Variants in TRAF3 observed in about 807,000 individuals in gnomAD.
TRAF3 encodes the protein TNF receptor associated factor 3, also known as TNF receptor-associated factor 3.
Under a neutral mutation model 62.3 loss-of-function variants are expected in TRAF3, and 13 were observed. The ratio of observed to expected loss-of-function variants is 0.21; its 90% CI spans 0.14 to 0.33. The LOEUF (loss-of-function observed/expected upper bound fraction) is 0.33, where lower values mean the gene tolerates loss of function less well. Among genes scored for constraint, TRAF3 ranks in the 10% least tolerant of loss-of-function variants. TRAF3 has a pLI of 1.00. For missense variants in TRAF3, 440 were observed against 741.8 expected, an observed-to-expected ratio of 0.59 and a Z score of 4.73; for synonymous variants, 269 against 283.4, an observed-to-expected ratio of 0.95 and a Z score of 0.51.
intron 1 of TRAF3, among the ~76,000 whole-genome samples, chr14:102,814,396 G>A (rs553557726): frequency 3.3e-5 from 5 of 152,250 alleles, no homozygotes; most frequent in African/African-American, 1.2e-4. Flanking sequence ...TGTTCTTCTT[G>A]CTCAGCATTG....
chr14:102,830,949 C>T (rs1325469456), intron 2 of TRAF3, among the ~76,000 whole-genome samples: 2 of 152,298 alleles, frequency 1.3e-5, no homozygotes, highest in Non-Finnish European at 2.9e-5. Context: ...ATAAGAGGTT[C>T]GGCTTACAAG....
intron 2 of TRAF3, among the ~76,000 whole-genome samples, chr14:102,866,241 A>G (rs763424957): frequency 5.9e-5 from 9 of 152,196 alleles, no homozygotes; most frequent in Non-Finnish European, 1.2e-4. Context: ...GAACACATGG[A>G]CACAGGGAGG....
intron 9 of TRAF3, among the ~76,000 whole-genome samples, chr14:102,892,926 G>A (rs1222376922): frequency 6.6e-6 from 1 of 152,218 alleles, no homozygotes; most frequent in Admixed American, 6.5e-5. Flanking sequence ...TGAGCATAGA[G>A]CATCTGCTCT....
intron 1 of TRAF3, among the ~76,000 whole-genome samples, chr14:102,813,101 G>T (rs1775444612): frequency 6.6e-6 from 1 of 151,466 alleles, no homozygotes. Flanking sequence ...TCAGCCTCCC[G>T]AGTAGCTGGG....
chr14:102,792,272 T>C (rs1277941707), intron 1 of TRAF3, among the ~76,000 whole-genome samples: 1 of 151,412 alleles, frequency 6.6e-6, no homozygotes, highest in Non-Finnish European at 1.5e-5. Context: ...CTACTATAGG[T>C]GCAAGCTGCC....
In TRAF3 at chr14:102,876,510, G is replaced by T. The variant is rs773018513; in HGVS notation, c.555G>T (p.Pro185=). 2 of 1,613,802 alleles carry T rather than the reference G, an allele frequency of 1.2e-6. No homozygotes were observed. The highest frequency in any genetic ancestry group is 1.1e-5 in the South Asian group (1 of 91,050). Residue 185 remains proline (P), a synonymous_variant, in exon 6 of 12, where the codon CCG becomes CCT. Transcript: ENST00000392745. ...GCAGCCACTGCAAGAGTCAGGTTCC[G>T]ATGATCGCGCTGCAGGTGCGGGTCC... ...ATCSHCKSQV[P]MIALQKHEDT...
chr14:102,780,771 G>A (rs944614023), intron 1 of TRAF3, among the ~76,000 whole-genome samples: 6 of 152,046 alleles, frequency 3.9e-5, no homozygotes, highest in African/African-American at 9.7e-5. Flanking sequence ...TCTGGTTACC[G>A]TGCTGGGAAG....
In TRAF3 at chr14:102,782,284, A is replaced by G. The variant is rs556159972; in HGVS notation, c.-157+4609A>G. On this transcript the variant is annotated intron_variant, in intron 1 of 11. Transcript: ENST00000392745. ...AGTCTTGCTCTGTTGCCCAGGCTGG[A>G]GTGCAGTGGTGCAATCTTGGCTCAC... Among the ~76,000 whole-genome samples, 4 of 151,870 alleles carry G rather than the reference A, an allele frequency of 2.6e-5. No individual in the cohort carries two copies. In the East Asian group the frequency reaches 7.8e-4, roughly 30 times the overall value.
intron 2 of TRAF3, among the ~76,000 whole-genome samples, chr14:102,853,054 A>G (rs1887141224): frequency 6.6e-6 from 1 of 151,722 alleles, no homozygotes; most frequent in African/African-American, 2.4e-5. Context: ...GGCTCACACC[A>G]CCACGTCCGG....
At chr14:102,891,897 T>C (rs545416300) in intron 9 of TRAF3, among the ~76,000 whole-genome samples, 21 of 152,150 alleles carry the variant, frequency 1.4e-4, no homozygotes, top group Non-Finnish European at 2.6e-4. Context: ...CCCCTCTAAA[T>C]GCGTTAAACT....
intron 2 of TRAF3, among the ~76,000 whole-genome samples, chr14:102,846,009 A>G (rs1237748520): frequency 2.4e-5 from 2 of 82,888 alleles, no homozygotes; most frequent in South Asian, 3.0e-4. Context: ...AAAAAAAAAA[A>G]TACTATTATA....
intron 4 of TRAF3, among the ~76,000 whole-genome samples, chr14:102,872,670 T>TCTCTC (rs1190248579): frequency 6.6e-6 from 1 of 150,668 alleles, no homozygotes; most frequent in Non-Finnish European, 1.5e-5. Context: ...TCTTTTCTTT[T>TCTCTC]CTTTCTCTCT....
chr14:102,828,193 G>T (rs569828001), intron 1 of TRAF3, among the ~76,000 whole-genome samples: 1 of 152,216 alleles, frequency 6.6e-6, no homozygotes, highest in East Asian at 1.9e-4. Flanking sequence ...AAAAATCTTC[G>T]TGATTGGAAA....
At chr14:102,812,850 C>T (rs1899279111) in intron 1 of TRAF3, among the ~76,000 whole-genome samples, 5 of 151,454 alleles carry the variant, frequency 3.3e-5, no homozygotes, top group Admixed American at 1.3e-4. Context: ...ACCCAGGAGG[C>T]GGAGCTTGCA....
rs532687454 is a variant in TRAF3, at chr14:102,794,385, G to A, written c.-157+16710G>A. On this transcript the variant is annotated intron_variant, in intron 1 of 11. Transcript: ENST00000392745. ...TTTGTAGAGACAAGGTCTTAACTACGTTGCCCAGGCTGGTCTTGAACTCCT... is the reference window on the plus strand; with the variant it reads ...TTTGTAGAGACAAGGTCTTAACTACATTGCCCAGGCTGGTCTTGAACTCCT... Among the ~76,000 whole-genome samples the A allele has an allele frequency of 2.2e-3, 341 of 152,224 alleles. 2 individuals are homozygous for A. The highest frequency in any genetic ancestry group is 4.6e-3 in the Admixed American group (70 of 15,274).
At chr14:102,850,468 G>A (rs1274314323) in intron 2 of TRAF3, among the ~76,000 whole-genome samples, 4 of 152,000 alleles carry the variant, frequency 2.6e-5, no homozygotes, top group Admixed American at 6.6e-5. Context: ...AGGCCGAGAT[G>A]GGTGAATCAC....
Position 102,909,959 on chromosome 14 carries a change from G to T in TRAF3, c.*4175G>T, listed in dbSNP as rs975561897. On this transcript the variant is annotated 3_prime_UTR_variant, in exon 12 of 12. Transcript: ENST00000392745. ...GGGTCCTTAAACGACCATTCTGTCC[G>T]CAGCGGGGTCATTCCTTGTCAGCCC... is the stretch of plus-strand genomic sequence containing the variant. The T allele has an allele frequency of 2.6e-5, 4 of 152,282 alleles. No homozygotes were observed. Among genetic ancestry groups the T allele is most frequent in the African/African-American group, 9.6e-5 (4 of 41,468 alleles). 9.4% of individuals were successfully genotyped at this position (152,282 alleles called of 1,614,324 possible).
rs1409728558 is a variant in TRAF3, at chr14:102,911,115, T to C, written c.*5331T>C. The stretch of plus-strand genomic sequence containing the variant: ...CTCATTTGACCCTGTCTTTTTAATC[T>C]GCCTGTTTTAAAAGTTGCGTCTGTA... On this transcript the variant is annotated 3_prime_UTR_variant, in exon 12 of 12. Transcript: ENST00000392745. 1.3e-5 allele frequency: 2 copies of C among 152,234 alleles called. No homozygotes were observed. Among genetic ancestry groups the C allele is most frequent in the South Asian group, 2.1e-4 (1 of 4,832 alleles). The allele number at this position is 152,234 out of a possible 1,614,324, so 9.4% of individuals were successfully genotyped here.
chr14:102,854,963 A>G (rs1484651513), intron 2 of TRAF3, among the ~76,000 whole-genome samples: 1 of 152,162 alleles, frequency 6.6e-6, no homozygotes, highest in Non-Finnish European at 1.5e-5. Flanking sequence ...CGTTCCCAAA[A>G]GGAAACCCCA....
Sources: allele counts gnomAD v4.1 joint callset (sites outside exome capture counted in the v4.1 genomes callset), GRCh38; gene constraint gnomAD v4.1.1; transcripts MANE v1.5; gene names NCBI Gene and HGNC (gene_info 2026-07-23, HGNC 2026-07-21).